The following HS2ST1 variants were observed in gnomAD, a reference collection of about 807,000 sequenced individuals.
HS2ST1 encodes heparan sulfate 2-O-sulfotransferase 1.
A neutral mutation model predicts 42.9 loss-of-function variants in HS2ST1; 18 were observed. The observed-to-expected ratio is 0.42, with a 90% CI of 0.29 to 0.62. HS2ST1 has a LOEUF of 0.62. HS2ST1 is among the 20% of genes least tolerant of loss of function. The pLI is 0.21. For synonymous variants in HS2ST1, 146 were observed against 152.9 expected (o/e 0.95, Z 0.33); for missense variants, 334 against 433.8 (o/e 0.77, Z 2.04).
chr1:87,029,377 A>G lies in HS2ST1; in HGVS notation c.125-43557A>G, dbSNP rs142203085. Reference sequence around the variant, plus strand: ...TATTCTAAACATTTGTTTGATTTTAAGTCTTTATATCTTTTCTTAATGTCA... The same window carrying G: ...TATTCTAAACATTTGTTTGATTTTAGGTCTTTATATCTTTTCTTAATGTCA... On this transcript the variant is annotated intron_variant, in intron 1 of 6. Transcript: ENST00000370550. 1.4e-4 allele frequency among the ~76,000 whole-genome samples: 22 copies of G among 152,254 alleles called. No homozygotes were observed. The East Asian group carries it at 3.1e-3, about 21-fold the overall frequency.
chr1:87,024,401 T>G (rs530307813), intron 1 of HS2ST1, among the ~76,000 whole-genome samples: 17 of 151,642 alleles, frequency 1.1e-4, no homozygotes, highest in Non-Finnish European at 2.2e-4. Flanking sequence ...ATCAGGAGGC[T>G]GAGGCAGGAG....
Position 87,018,163 on chromosome 1 carries a change from C to G in HS2ST1, c.125-54771C>G, listed in dbSNP as rs759893038. 8.7e-3 allele frequency among the ~76,000 whole-genome samples: 1,289 copies of G among 148,402 alleles called. 18 individuals are homozygous for G. The highest frequency in any genetic ancestry group is 0.015 in the Non-Finnish European group (991 of 66,988). ...ACACACACACACACACACACACACA[C>G]AGACACACACACACACAAAGAAAAA... is the stretch of plus-strand genomic sequence containing the variant. On this transcript the variant is annotated intron_variant, in intron 1 of 6. Coordinates refer to ENST00000370550, the MANE Select transcript of HS2ST1 (RefSeq NM_012262.4).
At chr1:86,967,849 C>G (rs1347939586) in intron 1 of HS2ST1, among the ~76,000 whole-genome samples, 1 of 152,136 alleles carries the variant, frequency 6.6e-6, no homozygotes, top group Non-Finnish European at 1.5e-5. Flanking sequence ...GGTAGACCTA[C>G]TTTTAGTTCT....
chr1:86,950,017 A>C (rs1244464638), intron 1 of HS2ST1, among the ~76,000 whole-genome samples: 1 of 152,196 alleles, frequency 6.6e-6, no homozygotes, highest in Non-Finnish European at 1.5e-5. Flanking sequence ...AAAATCCATA[A>C]ATAGAAAAAG....
chr1:86,942,241 A>G (rs1289007947), intron 1 of HS2ST1, among the ~76,000 whole-genome samples: 1 of 152,246 alleles, frequency 6.6e-6, no homozygotes, highest in African/African-American at 2.4e-5. Context: ...ATAGAACTAG[A>G]TTGTTGGCAG....
intron 1 of HS2ST1, among the ~76,000 whole-genome samples, chr1:86,989,508 C>T (rs1648882208): frequency 6.6e-6 from 1 of 152,120 alleles, no homozygotes; most frequent in South Asian, 2.1e-4. Flanking sequence ...AAAAATATTG[C>T]AACATTTTTA....
chr1:87,034,764 C>T (rs1229549288), intron 1 of HS2ST1, among the ~76,000 whole-genome samples: 1 of 152,126 alleles, frequency 6.6e-6, no homozygotes, highest in Non-Finnish European at 1.5e-5. Flanking sequence ...AATTAAAGAG[C>T]CAGATATGCC....
chr1:86,948,796 A>G (rs1315561769), intron 1 of HS2ST1, among the ~76,000 whole-genome samples: 1 of 152,250 alleles, frequency 6.6e-6, no homozygotes, highest in Non-Finnish European at 1.5e-5. Context: ...AAAAATGTAG[A>G]TTACATTAAC....
At chr1:86,915,312 C>A (rs1660122000) in intron 1 of HS2ST1, 152 bp downstream of exon 1, 2 of 867,372 alleles carry the variant, frequency 2.3e-6, no homozygotes, top group South Asian at 1.8e-5. Flanking sequence ...AGCGAGAGCA[C>A]GAGCTCCAAG....
chr1:87,015,110 G>A (rs1180646343), intron 1 of HS2ST1, among the ~76,000 whole-genome samples: 1 of 152,064 alleles, frequency 6.6e-6, no homozygotes, highest in African/African-American at 2.4e-5. Context: ...GTGCAGTGGC[G>A]TGATCTCAGC....
rs568957127 is a variant in HS2ST1 at position 86,983,127 on chromosome 1, C to T, written c.124+67967C>T. Among the ~76,000 whole-genome samples, 40 of 152,282 alleles carry T rather than the reference C, an allele frequency of 2.6e-4. No individual in the cohort carries two copies. In the South Asian group the frequency reaches 3.3e-3, roughly 13 times the overall value. On this transcript the variant is annotated intron_variant, in intron 1 of 6. Coordinates refer to ENST00000370550, the MANE Select transcript of HS2ST1 (RefSeq NM_012262.4). ...TTTTCCTGAGCCCTCCAAACTGTCC[C>T]GGCCTCTGTCTGTTACCCAGTTCCA...
At chr1:86,964,954 C>A (rs1648000962) in intron 1 of HS2ST1, among the ~76,000 whole-genome samples, 1 of 152,154 alleles carries the variant, frequency 6.6e-6, no homozygotes, top group African/African-American at 2.4e-5. Flanking sequence ...TAGATTTGCA[C>A]TAGTTTACTC....
At chr1:86,976,523 G>C (rs1040530725) in intron 1 of HS2ST1, among the ~76,000 whole-genome samples, 16 of 151,230 alleles carry the variant, frequency 1.1e-4, no homozygotes, top group African/African-American at 3.9e-4. Context: ...ATTAAAAACA[G>C]GCAAGATAAA....
At chr1:87,051,204 C>T (rs1414897493) in intron 1 of HS2ST1, among the ~76,000 whole-genome samples, 5 of 151,822 alleles carry the variant, frequency 3.3e-5, no homozygotes, top group Non-Finnish European at 5.9e-5. Flanking sequence ...CAAAAAGTCA[C>T]GTTAATTCTA....
At chr1:87,101,159 T>G (rs1166431310) in intron 5 of HS2ST1, among the ~76,000 whole-genome samples, 90 of 106,160 alleles carry the variant, frequency 8.5e-4, no homozygotes, top group African/African-American at 3.3e-3. Context: ...GTTTTTTGTT[T>G]TTTTTTTTTT....
intron 1 of HS2ST1, among the ~76,000 whole-genome samples, chr1:86,966,296 C>T (rs1239496832): frequency 6.6e-6 from 1 of 152,108 alleles, no homozygotes; most frequent in African/African-American, 2.4e-5. Context: ...GTAAATACTA[C>T]AATATGCTTC....
At chr1:87,093,132 C>A (rs1651985785) in intron 4 of HS2ST1, among the ~76,000 whole-genome samples, 1 of 152,016 alleles carries the variant, frequency 6.6e-6, no homozygotes, top group African/African-American at 2.4e-5. Flanking sequence ...TTCCATTTCA[C>A]TGCATTTTCT....
intron 2 of HS2ST1, among the ~76,000 whole-genome samples, chr1:87,083,496 G>A (rs1042218137): frequency 6.6e-6 from 1 of 152,022 alleles, no homozygotes; most frequent in African/African-American, 2.4e-5. Context: ...TGCAGCTAGT[G>A]ATACTTAGGT....
rs1272574251 is a variant in HS2ST1, at chr1:87,014,513, C to G, written c.125-58421C>G. On this transcript the variant is annotated intron_variant, in intron 1 of 6. Coordinates refer to ENST00000370550, the MANE Select transcript of HS2ST1 (RefSeq NM_012262.4). The stretch of plus-strand genomic sequence containing the variant: ...CACACAGCCAAACCATATCAGTATT[C>G]ATTTTGCAAAATGAAATTTTAGAAC... Among the ~76,000 whole-genome samples, 4 of 152,186 alleles carry G rather than the reference C, an allele frequency of 2.6e-5. No homozygotes were observed. In the East Asian group the frequency reaches 7.7e-4, roughly 29 times the overall value.
Sources: allele counts gnomAD v4.1 joint callset (sites outside exome capture counted in the v4.1 genomes callset), GRCh38; gene constraint gnomAD v4.1.1; transcripts MANE v1.5; gene names NCBI Gene and HGNC (gene_info 2026-07-23, HGNC 2026-07-21).